NEBL: variants seen among roughly 807,000 people sequenced by gnomAD.
NEBL encodes LIM and SH3 protein 2.
In NEBL, 122 loss-of-function variants were observed where a neutral mutation model predicts 140.2. The ratio of observed to expected loss-of-function variants is 0.87; its 90% CI spans 0.75 to 1.01. The LOEUF (loss-of-function observed/expected upper bound fraction) is 1.01. Among genes scored for constraint, NEBL ranks in the 50% least tolerant of loss-of-function variants. The pLI, the probability that NEBL is intolerant of heterozygous loss-of-function variation, is 0.00. For synonymous variants in NEBL, 436 were observed against 398.9 expected, an observed-to-expected ratio of 1.09 and a Z score of -1.11; for missense variants, 1,365 against 1,231.3, an observed-to-expected ratio of 1.11 and a Z score of -1.62.
chr10:20,922,515 T>C (rs980879201), intron 4 of NEBL, among the ~76,000 whole-genome samples: 3 of 152,230 alleles, frequency 2.0e-5, no homozygotes, highest in Non-Finnish European at 1.5e-5. Flanking sequence ...CAGAAAAATC[T>C]AGTCTATTCC....
chr10:21,248,533 C>G (rs910205792), intron 2 of NEBL, among the ~76,000 whole-genome samples: 3 of 152,178 alleles, frequency 2.0e-5, no homozygotes, highest in African/African-American at 4.8e-5. Flanking sequence ...ACATTCGATA[C>G]ATGTAGATCA....
At chr10:21,002,084 G>A (rs1318796547) in intron 3 of NEBL, among the ~76,000 whole-genome samples, 1 of 151,904 alleles carries the variant, frequency 6.6e-6, no homozygotes, top group Admixed American at 6.6e-5. Context: ...GTACTCGCTC[G>A]ATGTAAATGT....
At chr10:21,103,038 C>T (rs1425914441) in intron 2 of NEBL, among the ~76,000 whole-genome samples, 1 of 148,802 alleles carries the variant, frequency 6.7e-6, no homozygotes, top group African/African-American at 2.5e-5. Flanking sequence ...CCATGGCACA[C>T]ATATGTTTTT....
intron 2 of NEBL, among the ~76,000 whole-genome samples, chr10:20,891,956 T>C (rs1847072089): frequency 6.6e-6 from 1 of 152,192 alleles, no homozygotes; most frequent in Admixed American, 6.6e-5. Flanking sequence ...CAGGAAATGA[T>C]CATTGAAAGG....
chr10:21,105,238 T>C (rs889199809), intron 2 of NEBL, among the ~76,000 whole-genome samples: 1 of 152,066 alleles, frequency 6.6e-6, no homozygotes, highest in African/African-American at 2.4e-5. Context: ...GAACATGCAG[T>C]TTTGTTACAT....
intron 3 of NEBL, among the ~76,000 whole-genome samples, chr10:21,019,672 T>G (rs1015531210): frequency 5.3e-5 from 8 of 152,184 alleles, no homozygotes; most frequent in African/African-American, 1.9e-4. Flanking sequence ...GAAAGAAATA[T>G]GAACAAAGTG....
At chr10:21,056,497 G>A (rs908824769) in intron 2 of NEBL, among the ~76,000 whole-genome samples, 1 of 152,164 alleles carries the variant, frequency 6.6e-6, no homozygotes, top group Non-Finnish European at 1.5e-5. Flanking sequence ...TGTAGCCAGT[G>A]GGAGGATAAT....
chr10:21,150,287 G>A (rs1198322183), intron 2 of NEBL, among the ~76,000 whole-genome samples: 2 of 152,068 alleles, frequency 1.3e-5, no homozygotes, highest in Non-Finnish European at 2.9e-5. Context: ...GGAAGCTTTC[G>A]CTTCTCATCA....
At chr10:20,802,528 G>A (rs571251435) in intron 26 of NEBL, among the ~76,000 whole-genome samples, 3 of 152,234 alleles carry the variant, frequency 2.0e-5, no homozygotes. Flanking sequence ...AGTAAAGAAA[G>A]TCCAAAATAA....
chr10:21,215,560 G>GC (rs946544810), intron 3 of NEBL, among the ~76,000 whole-genome samples: 3 of 152,122 alleles, frequency 2.0e-5, no homozygotes, highest in Admixed American at 6.5e-5. Context: ...AACAAATACT[G>GC]CAAGTGCCAC....
chr10:20,822,672 CTATAGATA>C (rs1237872791), intron 19 of NEBL, among the ~76,000 whole-genome samples: 3 of 89,280 alleles, frequency 3.4e-5, no homozygotes, highest in East Asian at 5.4e-4. Flanking sequence ...TATATAGAGA[CTATAGATA>C]TATAGATATA....
At chr10:20,962,123 T>A (rs1046641510) in intron 3 of NEBL, among the ~76,000 whole-genome samples, 6 of 152,164 alleles carry the variant, frequency 3.9e-5, no homozygotes, top group Non-Finnish European at 8.8e-5. Context: ...AAGTAAGTAC[T>A]CCATAATAGT....
chr10:21,234,590 C>G (rs1321748629), intron 3 of NEBL, among the ~76,000 whole-genome samples: 2 of 152,166 alleles, frequency 1.3e-5, no homozygotes, highest in African/African-American at 4.8e-5. Flanking sequence ...CAGTGTAAAA[C>G]TGACTAACAC....
At chr10:21,281,205 C>A (rs1842987803) in intron 1 of NEBL, among the ~76,000 whole-genome samples, 1 of 152,136 alleles carries the variant, frequency 6.6e-6, no homozygotes, top group African/African-American at 2.4e-5. Context: ...CTACTTCCTC[C>A]TTTTATGAAT....
intron 5 of NEBL, among the ~76,000 whole-genome samples, chr10:20,878,969 T>G (rs1845763822): frequency 2.0e-5 from 3 of 152,276 alleles, no homozygotes; most frequent in South Asian, 2.1e-4. Context: ...CGGGGATCCG[T>G]GTAACACCAG....
At chr10:20,998,208 C>T (rs908294677) in intron 3 of NEBL, among the ~76,000 whole-genome samples, 19 of 152,086 alleles carry the variant, frequency 1.2e-4, no homozygotes, top group African/African-American at 4.3e-4. Flanking sequence ...GCTTTGGAGT[C>T]GGAAAGTCCT....
At chr10:20,807,829 T>C (rs1044953280) in intron 26 of NEBL, among the ~76,000 whole-genome samples, 1 of 152,144 alleles carries the variant, frequency 6.6e-6, no homozygotes, top group African/African-American at 2.4e-5. Context: ...TAAAAACAGA[T>C]TTATAAGTAA....
chr10:20,944,414 A>G (rs188118814), intron 4 of NEBL, among the ~76,000 whole-genome samples: 49 of 152,178 alleles, frequency 3.2e-4, no homozygotes, highest in African/African-American at 1.1e-3. Flanking sequence ...ATAAAATAAA[A>G]TAAATTATAT....
intron 4 of NEBL, among the ~76,000 whole-genome samples, chr10:20,918,615 C>G (rs1195937672): frequency 6.6e-6 from 1 of 151,828 alleles, no homozygotes; most frequent in Non-Finnish European, 1.5e-5. Context: ...CTTTGGGAGG[C>G]CGACGGGGGC....
Sources: gnomAD v4.1 joint callset for allele counts (sites outside exome capture counted in the v4.1 genomes callset) on GRCh38, gnomAD v4.1.1 for gene constraint, MANE v1.5 for transcripts, NCBI Gene and HGNC (gene_info 2026-07-23, HGNC 2026-07-21) for gene names.